The following PARD3B variants were observed in gnomAD, a reference collection of about 807,000 sequenced individuals.
The protein encoded by PARD3B is par-3 family cell polarity regulator beta, also known as partitioning defective 3 homolog B.
Under a neutral mutation model 130.2 loss-of-function variants are expected in PARD3B, and 103 were observed. The observed-to-expected ratio is 0.79, with a 90% CI of 0.67 to 0.93. The LOEUF (loss-of-function observed/expected upper bound fraction) is 0.93, where lower values mean the gene tolerates loss of function less well. PARD3B is among the 40% of genes least tolerant of loss of function. PARD3B has a pLI of 0.00. For synonymous variants in PARD3B, 583 were observed against 553.2 expected, an observed-to-expected ratio of 1.05 and a Z score of -0.76; for missense variants, 1,609 against 1,499.2, an observed-to-expected ratio of 1.07 and a Z score of -1.21.
At chr2:205,323,367 T>A (rs11897011) in intron 18 of PARD3B, among the ~76,000 whole-genome samples, 3,554 of 152,302 alleles carry the variant, frequency 0.023, 119 homozygotes, top group African/African-American at 0.072. Context: ...TTCCATGTTC[T>A]TGGAGAATCC....
intron 4 of PARD3B, among the ~76,000 whole-genome samples, chr2:205,094,623 A>C (rs561409567): frequency 1.3e-5 from 2 of 152,148 alleles, no homozygotes; most frequent in South Asian, 4.1e-4. Context: ...TCTGTGGATT[A>C]AAAATTTTCT....
chr2:204,947,821 A>C (rs186878386), intron 2 of PARD3B, among the ~76,000 whole-genome samples: 1 of 152,200 alleles, frequency 6.6e-6, no homozygotes, highest in African/African-American at 2.4e-5. Flanking sequence ...CATCTTCTAA[A>C]GCAACTTAAT....
At chr2:204,756,916 T>C (rs1409850198) in intron 2 of PARD3B, among the ~76,000 whole-genome samples, 1 of 152,106 alleles carries the variant, frequency 6.6e-6, no homozygotes, top group East Asian at 1.9e-4. Flanking sequence ...TCCTCCTTTC[T>C]TCCCTCCCCT....
intron 1 of PARD3B, among the ~76,000 whole-genome samples, chr2:204,646,052 GT>G (rs774343443): frequency 6.6e-6 from 1 of 152,004 alleles, no homozygotes; most frequent in Non-Finnish European, 1.5e-5. Context: ...TGGATTTATT[GT>G]TTTATTTGGT....
At chr2:204,874,773 C>T (rs528577486) in intron 2 of PARD3B, among the ~76,000 whole-genome samples, 2 of 152,108 alleles carry the variant, frequency 1.3e-5, no homozygotes, top group East Asian at 3.9e-4. Flanking sequence ...AAACACTGCT[C>T]TGATTTCTAT....
Position 205,564,478 on chromosome 2 carries a change from G to A in PARD3B, c.3260+11075G>A, listed in dbSNP as rs1014796020. Among the ~76,000 whole-genome samples the A allele has an allele frequency of 1.3e-5, 2 of 152,222 alleles. No homozygotes were observed. The highest frequency in any genetic ancestry group is 1.9e-4 in the East Asian group (1 of 5,194). ...GACTGCCTCTGTGTTATGCTAGTGA[G>A]TTAAATATATATACATATAAACCAG... On this transcript the variant is annotated intron_variant, in intron 22 of 22. Transcript: ENST00000406610. The surrounding 1 kb of genome is among the most constrained non-coding windows in gnomAD (Gnocchi z 4.6).
intron 18 of PARD3B, among the ~76,000 whole-genome samples, chr2:205,388,733 A>G (rs537743343): frequency 6.6e-6 from 1 of 152,260 alleles, no homozygotes; most frequent in East Asian, 1.9e-4. Flanking sequence ...TCTTTTGTTC[A>G]GGCCCCTCTG....
chr2:205,312,989 G>A (rs1029767493), intron 18 of PARD3B, among the ~76,000 whole-genome samples: 1 of 152,102 alleles, frequency 6.6e-6, no homozygotes, highest in East Asian at 1.9e-4. Context: ...ATACATCCTT[G>A]CTTTTGTTGG....
chr2:205,351,801 GA>G lies in PARD3B; in HGVS notation c.2631-49200del, dbSNP rs5837968. On this transcript the variant is annotated intron_variant, in intron 18 of 22. Coordinates refer to ENST00000406610, the MANE Select transcript of PARD3B (RefSeq NM_001302769.2). This position sits in a 1 kb window ranked among gnomAD's most constrained non-coding sequence, Gnocchi z 4.2. ...TAAGTGTAATGTAGGGCAGAAACAA[GA>G]AAAAAAAAAAACGTTGGCTTCCAGA... Among the ~76,000 whole-genome samples the G allele has an allele frequency of 0.63, 92,255 of 147,462 alleles. 30,632 individuals carry two copies. The highest frequency in any genetic ancestry group is 0.77 in the South Asian group (3,562 of 4,650).
chr2:205,413,340 C>T (rs1421553429), intron 19 of PARD3B, among the ~76,000 whole-genome samples: 2 of 152,170 alleles, frequency 1.3e-5, no homozygotes, highest in East Asian at 3.9e-4. Flanking sequence ...GCCTTCTCTC[C>T]CTTACTACCT....
chr2:204,821,053 A>T (rs2043332976), intron 2 of PARD3B, among the ~76,000 whole-genome samples: 2 of 152,170 alleles, frequency 1.3e-5, no homozygotes, highest in Admixed American at 1.3e-4. Context: ...TTGACAATGC[A>T]CTTTGTCGTC....
At chr2:204,776,205 A>G (rs16836620) in intron 2 of PARD3B, among the ~76,000 whole-genome samples, 9,288 of 152,256 alleles carry the variant, frequency 0.061, 478 homozygotes, top group East Asian at 0.17. Context: ...ATAGGATTCT[A>G]TAGATAGCAA....
chr2:204,859,532 A>T (rs1184545979), intron 2 of PARD3B, among the ~76,000 whole-genome samples: 1 of 152,234 alleles, frequency 6.6e-6, no homozygotes, highest in Non-Finnish European at 1.5e-5. Context: ...GCATCTTAAA[A>T]TATGTACATT....
intron 20 of PARD3B, among the ~76,000 whole-genome samples, chr2:205,480,594 A>C (rs1575125078): frequency 6.6e-6 from 1 of 152,166 alleles, no homozygotes; most frequent in East Asian, 1.9e-4. Flanking sequence ...GTGGGTGCTC[A>C]ATAAATATTT....
intron 22 of PARD3B, among the ~76,000 whole-genome samples, chr2:205,604,495 G>A (rs573650272): frequency 1.4e-4 from 21 of 152,188 alleles, no homozygotes; most frequent in Non-Finnish European, 2.5e-4. Context: ...TGGGTCCCTC[G>A]CACAACACTT....
intron 4 of PARD3B, among the ~76,000 whole-genome samples, chr2:205,101,996 T>G (rs1190073942): frequency 6.6e-6 from 1 of 152,156 alleles, no homozygotes; most frequent in Admixed American, 6.5e-5. Context: ...ATTGTACTCT[T>G]TAAAATGGTG....
chr2:205,426,561 A>G (rs1394868956), intron 19 of PARD3B, among the ~76,000 whole-genome samples: 1 of 152,092 alleles, frequency 6.6e-6, no homozygotes, highest in African/African-American at 2.4e-5. Flanking sequence ...CTCGACTACC[A>G]TTACCACTAT....
At chr2:205,050,182 T>C (rs985197028) in intron 4 of PARD3B, among the ~76,000 whole-genome samples, 3 of 148,214 alleles carry the variant, frequency 2.0e-5, no homozygotes, top group Non-Finnish European at 4.5e-5. Flanking sequence ...TATTAATTAA[T>C]ATATATTAAT....
At position 204,762,285 on chromosome 2, in the gene PARD3B, C is replaced by A. The variant is rs568543985; in HGVS notation, c.222+76003C>A. On this transcript the variant is annotated intron_variant, in intron 2 of 22. Transcript: ENST00000406610. ...TACAGGCACGTGCCACCATGCCCAG[C>A]TAATTTTTTGTAGAGATGGGGTTTC... 3.5e-4 allele frequency among the ~76,000 whole-genome samples: 53 copies of A among 151,864 alleles called. 1 individual carries two copies. Among genetic ancestry groups the A allele is most frequent in the African/African-American group, 1.1e-3 (46 of 41,422 alleles).
Sources: allele counts gnomAD v4.1 joint callset (sites outside exome capture counted in the v4.1 genomes callset), GRCh38; gene constraint gnomAD v4.1.1; non-coding constraint Gnocchi (gnomAD v3.1); transcripts MANE v1.5; gene names NCBI Gene and HGNC (gene_info 2026-07-23, HGNC 2026-07-21).